TRPM3: variants seen among roughly 807,000 people sequenced by gnomAD.
TRPM3 encodes transient receptor potential cation channel subfamily M member 3.
A neutral mutation model predicts 181.2 loss-of-function variants in TRPM3; 77 were observed. The ratio of observed to expected loss-of-function variants is 0.42; its 90% CI spans 0.35 to 0.51. The LOEUF is 0.51. Ranked by LOEUF, TRPM3 falls within the 20% of genes least tolerant of loss-of-function variation. The probability of loss-of-function intolerance (pLI) is 0.01; values close to 1 mark genes in which losing one functional copy is unlikely to be tolerated. For missense variants in TRPM3, 1,759 were observed against 2,196.7 expected (o/e 0.80, Z 3.98); for synonymous variants, 745 against 796.4 (o/e 0.94, Z 1.09).
rs187169251 is a variant in TRPM3 at position 71,196,022 on chromosome 9, C to T, written c.183+250631G>A. On this transcript the variant is annotated intron_variant, in intron 1 of 24. Transcript: ENST00000357533. ...CACAAAAAATAAGTATTGGGTACTA[C>T]GCTTAGTACCCGGGTGACGAAATAA... 5.9e-4 allele frequency among the ~76,000 whole-genome samples: 89 copies of T among 151,992 alleles called. 2 individuals carry two copies. The highest frequency in any genetic ancestry group is 1.7e-3 in the East Asian group (9 of 5,162).
rs1564168513 is a variant in TRPM3 at position 70,761,606 on chromosome 9, C to T, written c.1267G>A (p.Glu423Lys). The change falls in exon 8 of 26, where the codon GAA becomes AAA. Residue 423 changes from glutamate to lysine, a missense_variant. Around this residue, in one of 8 missense-constraint regions of TRPM3, gnomAD observed 737 missense variants for 957.4 expected, o/e 0.77. Transcript: ENST00000677713. ...IILMECMKKK[E>K]LITVFRMGSE... ...ACCCATGCGGAATTACCTACCAATT[C>T]CTTCTTCTTCATGCACTCCATGAGG... 1 of 1,613,998 alleles carries T rather than the reference C, an allele frequency of 6.2e-7. No homozygotes were observed. Among genetic ancestry groups the T allele is most frequent in the Non-Finnish European group, 8.5e-7 (1 of 1,179,948 alleles).
At position 71,121,391 on chromosome 9, in the gene TRPM3, G is replaced by A; in HGVS notation, c.-37C>T. 1.2e-6 allele frequency: 2 copies of A among 1,601,764 alleles called. No homozygotes were observed. The highest frequency in any genetic ancestry group is 1.1e-5 in the South Asian group (1 of 89,432). On this transcript the variant is annotated 5_prime_UTR_variant, in exon 1 of 26. Transcript: ENST00000677713. Reference sequence around the variant, plus strand: ...CTCCACACCTGCAAATTCCATTAGGGCAGAGGCTTCCTGGAACTTGGAAGA... The same window carrying A: ...CTCCACACCTGCAAATTCCATTAGGACAGAGGCTTCCTGGAACTTGGAAGA...
intron 1 of TRPM3, among the ~76,000 whole-genome samples, chr9:71,073,780 A>G (rs2063089641): frequency 6.6e-6 from 1 of 152,190 alleles, no homozygotes; most frequent in Non-Finnish European, 1.5e-5. Flanking sequence ...TTAATTAAAA[A>G]AAACAGAAAA....
intron 22 of TRPM3, among the ~76,000 whole-genome samples, chr9:70,583,976 CT>C (rs1293404088): frequency 1.3e-5 from 2 of 152,132 alleles, no homozygotes; most frequent in East Asian, 3.8e-4. Context: ...TCGCTGTTCC[CT>C]TTTTCTCCTT....
chr9:71,076,340 A>G (rs193028471), intron 1 of TRPM3, among the ~76,000 whole-genome samples: 1 of 152,308 alleles, frequency 6.6e-6, no homozygotes, highest in Non-Finnish European at 1.5e-5. Context: ...TGAATTTTGT[A>G]ATAAAAACCA....
intron 1 of TRPM3, among the ~76,000 whole-genome samples, chr9:71,431,744 A>C (rs1457278014): frequency 6.6e-6 from 1 of 152,190 alleles, no homozygotes; most frequent in African/African-American, 2.4e-5. Flanking sequence ...CTTGTGCATC[A>C]AAATAAAACC....
chr9:70,995,657 G>A (rs1056395180), intron 1 of TRPM3, among the ~76,000 whole-genome samples: 2 of 152,128 alleles, frequency 1.3e-5, no homozygotes, highest in African/African-American at 4.8e-5. Context: ...ACCAGAACAA[G>A]AGCCATTTGT....
intron 1 of TRPM3, among the ~76,000 whole-genome samples, chr9:71,282,584 A>G (rs889241808): frequency 6.6e-6 from 1 of 152,140 alleles, no homozygotes; most frequent in Non-Finnish European, 1.5e-5. Context: ...TTTTTTTTAG[A>G]AGTCTGTTGT....
intron 7 of TRPM3, chr9:70,783,842 C>A (rs904675392): frequency 1.8e-6 from 2 of 1,112,016 alleles, no homozygotes; most frequent in Non-Finnish European, 2.2e-6. Context: ...AAAAAGGAGA[C>A]CACAGCCTAT....
chr9:70,845,209 G>A (rs537407787), intron 4 of TRPM3, among the ~76,000 whole-genome samples: 16 of 151,606 alleles, frequency 1.1e-4, no homozygotes, highest in South Asian at 2.1e-4. Context: ...TCCAAACTAC[G>A]AATGCAAAAT....
At chr9:71,116,626 C>T (rs1395248592) in intron 1 of TRPM3, among the ~76,000 whole-genome samples, 1 of 152,064 alleles carries the variant, frequency 6.6e-6, no homozygotes, top group Admixed American at 6.6e-5. Context: ...ATAACCCAAC[C>T]TGATCATTGC....
upstream of TRPM3, among the ~76,000 whole-genome samples, chr9:71,124,635 T>C (rs143020543): frequency 6.6e-6 from 1 of 152,160 alleles, no homozygotes. Flanking sequence ...CATGATGAAA[T>C]TTGAGCTCAT....
chr9:71,393,684 C>T (rs1343748336), intron 1 of TRPM3, among the ~76,000 whole-genome samples: 6 of 152,140 alleles, frequency 3.9e-5, no homozygotes, highest in Non-Finnish European at 8.8e-5. Context: ...CTTCCAACCG[C>T]ACACAGCCAA....
intron 22 of TRPM3, among the ~76,000 whole-genome samples, chr9:70,589,253 C>G (rs182416795): frequency 6.6e-6 from 1 of 152,196 alleles, no homozygotes; most frequent in Non-Finnish European, 1.5e-5. Flanking sequence ...AATAAATCCT[C>G]TTATTCAGCC....
intron 1 of TRPM3, among the ~76,000 whole-genome samples, chr9:71,053,980 C>T (rs1218206214): frequency 6.6e-6 from 1 of 152,080 alleles, no homozygotes; most frequent in Non-Finnish European, 1.5e-5. Context: ...TGGAAGAGGC[C>T]TTACATGGTA....
chr9:71,248,450 C>T (rs1217108597), intron 1 of TRPM3, among the ~76,000 whole-genome samples: 4 of 152,174 alleles, frequency 2.6e-5, no homozygotes, highest in Non-Finnish European at 5.9e-5. Context: ...ACAAAGCTAA[C>T]AGACTGGGGA....
intron 6 of TRPM3, chr9:70,793,472 ATAT>A (rs1564321207): frequency 0.029 from 3,039 of 106,000 alleles, 45 homozygotes; most frequent in South Asian, 0.072. Flanking sequence ...AAAAAAAAAT[ATAT>A]ATATATATAT....
chr9:71,016,255 T>C (rs1360063500), intron 1 of TRPM3, among the ~76,000 whole-genome samples: 8 of 94,570 alleles, frequency 8.5e-5, no homozygotes, highest in African/African-American at 3.7e-4. Flanking sequence ...TGTGTGTGTG[T>C]GTGTATCTGT....
intron 1 of TRPM3, among the ~76,000 whole-genome samples, chr9:71,321,236 T>G (rs2089194073): frequency 6.6e-6 from 1 of 152,158 alleles, no homozygotes; most frequent in Admixed American, 6.5e-5. Context: ...CTAAATAGCT[T>G]TTAAATCTAT....
Sources: gnomAD v4.1 joint callset for allele counts (sites outside exome capture counted in the v4.1 genomes callset) on GRCh38, gnomAD v4.1.1 for gene constraint, gnomAD v4.1.1 regional missense constraint, MANE v1.5 for transcripts, NCBI Gene and HGNC (gene_info 2026-07-23, HGNC 2026-07-21) for gene names.